The following NEK7 variants were observed in gnomAD, a reference collection of about 807,000 sequenced individuals.
The protein encoded by NEK7 is serine/threonine-protein kinase Nek7.
NEK7 carries 18 observed loss-of-function variants against 44.6 expected under a neutral mutation model. The ratio of observed to expected loss-of-function variants is 0.40; its 90% CI spans 0.28 to 0.60. The LOEUF is 0.60. NEK7 is among the 20% of genes least tolerant of loss of function. The probability of loss-of-function intolerance (pLI) is 0.38; values close to 1 mark genes in which losing one functional copy is unlikely to be tolerated. For synonymous variants in NEK7, 130 were observed against 121.1 expected (o/e 1.07, Z -0.48); for missense variants, 256 against 366.5 (o/e 0.70, Z 2.46).
chr1:198,208,844 A>G (rs993798360), intron 1 of NEK7, among the ~76,000 whole-genome samples: 1 of 151,872 alleles, frequency 6.6e-6, no homozygotes, highest in African/African-American at 2.4e-5. Context: ...TTTCCAAGAG[A>G]CTGTAAGAAA....
intron 4 of NEK7, among the ~76,000 whole-genome samples, chr1:198,263,465 T>C (rs987044584): frequency 1.3e-5 from 2 of 152,032 alleles, no homozygotes; most frequent in Non-Finnish European, 2.9e-5. Flanking sequence ...ACCCATACTT[T>C]CTGCATAATT....
intron 9 of NEK7, among the ~76,000 whole-genome samples, chr1:198,316,095 C>T (rs1266576716): frequency 6.6e-6 from 1 of 152,110 alleles, no homozygotes; most frequent in Non-Finnish European, 1.5e-5. Flanking sequence ...AAGAAAACGT[C>T]AGGGAAGAGA....
At chr1:198,231,835 G>A (rs956018370) in intron 1 of NEK7, among the ~76,000 whole-genome samples, 12 of 152,012 alleles carry the variant, frequency 7.9e-5, no homozygotes, top group Non-Finnish European at 1.5e-4. Flanking sequence ...ATTTAAAAGG[G>A]AAGCTAGTTT....
chr1:198,198,267 A>AC, intron 1 of NEK7: 2 of 533,062 alleles, frequency 3.8e-6, no homozygotes, highest in South Asian at 4.2e-5. Context: ...TTAGAAGGGA[A>AC]CCCCCCATGT....
At chr1:198,211,202 A>G (rs1665759735) in intron 1 of NEK7, among the ~76,000 whole-genome samples, 1 of 152,084 alleles carries the variant, frequency 6.6e-6, no homozygotes, top group Non-Finnish European at 1.5e-5. Flanking sequence ...CTGTGGTTTT[A>G]TTATTTTATA....
At chr1:198,210,719 A>ATTGTCCCT (rs1355786085) in intron 1 of NEK7, among the ~76,000 whole-genome samples, 1 of 111,202 alleles carries the variant, frequency 9.0e-6, no homozygotes, top group Non-Finnish European at 1.9e-5. Context: ...ATTATATGTC[A>ATTGTCCCT]TTGTCCCTTC....
chr1:198,242,810 TTTTTTTTTTTGTATTTAA>T, intron 2 of NEK7, among the ~76,000 whole-genome samples: 1 of 145,502 alleles, frequency 6.9e-6, no homozygotes. Context: ...ATATTTTTAA[TTTTTTTTTTTGTATTTAA>T]TTTTTTTTTT....
intron 2 of NEK7, among the ~76,000 whole-genome samples, chr1:198,242,409 T>A (rs571200870): frequency 6.6e-6 from 1 of 151,770 alleles, no homozygotes; most frequent in African/African-American, 2.4e-5. Flanking sequence ...TTCTTTTTTT[T>A]TTTTTTGAGA....
chr1:198,261,831 T>TC (rs546969739), intron 3 of NEK7, among the ~76,000 whole-genome samples: 2 of 151,950 alleles, frequency 1.3e-5, no homozygotes, highest in South Asian at 2.1e-4. Context: ...TTCATTATCC[T>TC]CCCCCCAAGC....
rs34192199 is a variant in NEK7, at chr1:198,225,255, C to CAAAAAA, written c.-28-7288_-28-7283dup. Among the ~76,000 whole-genome samples, 687 of 133,102 alleles carry CAAAAAA rather than the reference C, an allele frequency of 5.2e-3. 5 individuals are homozygous for CAAAAAA. Among genetic ancestry groups the CAAAAAA allele is most frequent in the African/African-American group, 9.0e-3 (344 of 38,268 alleles). 87.3% of individuals were successfully genotyped at this position (133,102 alleles called of 152,430 possible). Reference sequence around the variant, plus strand: ...GATGACTTGAGAAGCGTGTAGGTTACAAAAAAAAAAAAAAATTCAGGTCTT... The same window carrying CAAAAAA: ...GATGACTTGAGAAGCGTGTAGGTTACAAAAAAAAAAAAAAAAAAAAATTCAGGTCTT... On this transcript the variant is annotated intron_variant, in intron 1 of 9. Transcript: ENST00000367385.
intron 9 of NEK7, among the ~76,000 whole-genome samples, chr1:198,297,953 C>T (rs192119282): frequency 4.2e-4 from 64 of 152,310 alleles, no homozygotes; most frequent in Non-Finnish European, 7.9e-4. Context: ...TTTGGCTCTA[C>T]CCTATGTCCA....
At chr1:198,217,841 A>AG (rs1665967841) in intron 1 of NEK7, among the ~76,000 whole-genome samples, 1 of 63,084 alleles carries the variant, frequency 1.6e-5, no homozygotes, top group Admixed American at 2.0e-4. Flanking sequence ...CAATAGCTAT[A>AG]AAAAAAAAAA....
intron 5 of NEK7, among the ~76,000 whole-genome samples, chr1:198,267,686 A>C (rs574728639): frequency 8.6e-5 from 13 of 151,948 alleles, no homozygotes; most frequent in African/African-American, 2.7e-4. Context: ...CAGGTGATCC[A>C]CCTGCCTCAG....
chr1:198,264,090 A>G, intron 4 of NEK7, 35 bp from the exon 5 acceptor site: 1 of 1,564,020 alleles, frequency 6.4e-7, no homozygotes, highest in Non-Finnish European at 8.6e-7. Flanking sequence ...TATTTACAGT[A>G]AGAAAACTTT....
At chr1:198,197,888 A>T in intron 1 of NEK7, 2 of 1,099,864 alleles carry the variant, frequency 1.8e-6, no homozygotes, top group South Asian at 2.6e-5. Context: ...CTTGTCCTCT[A>T]TCACTCCTAG....
chr1:198,295,519 A>G (rs1471590010), intron 8 of NEK7, among the ~76,000 whole-genome samples: 1 of 152,136 alleles, frequency 6.6e-6, no homozygotes, highest in Non-Finnish European at 1.5e-5. Context: ...GAATAGTGCA[A>G]AAGCTTGAAA....
intron 1 of NEK7, among the ~76,000 whole-genome samples, chr1:198,165,877 T>A (rs1393458632): frequency 6.6e-6 from 1 of 152,260 alleles, no homozygotes; most frequent in Non-Finnish European, 1.5e-5. Context: ...TGTAGCCACC[T>A]TTATCAATGA....
chr1:198,312,802 G>A (rs953656805), intron 9 of NEK7, among the ~76,000 whole-genome samples: 1 of 151,848 alleles, frequency 6.6e-6, no homozygotes, highest in African/African-American at 2.4e-5. Context: ...TGGTCTGAGA[G>A]ATAGTTTGTT....
chr1:198,300,780 T>A (rs1334585127), intron 9 of NEK7, among the ~76,000 whole-genome samples: 1 of 152,216 alleles, frequency 6.6e-6, no homozygotes, highest in Non-Finnish European at 1.5e-5. Flanking sequence ...GATGAACCAA[T>A]AAATGACAAT....
Sources: gnomAD v4.1 joint callset for allele counts (sites outside exome capture counted in the v4.1 genomes callset) on GRCh38, gnomAD v4.1.1 for gene constraint, MANE v1.5 for transcripts, NCBI Gene and HGNC (gene_info 2026-07-23, HGNC 2026-07-21) for gene names.